CEP112: variants seen among roughly 807,000 people sequenced by gnomAD.
The protein encoded by CEP112 is centrosomal protein of 112 kDa.
In CEP112, 127 loss-of-function variants were observed where a neutral mutation model predicts 153.0. That is an observed-to-expected ratio of 0.83 (90% CI 0.72 to 0.96). The LOEUF is 0.96. CEP112 is among the 40% of genes least tolerant of loss of function. The pLI, the probability that CEP112 is intolerant of heterozygous loss-of-function variation, is 0.00. For missense variants in CEP112, 1,089 were observed against 1,101.2 expected, an observed-to-expected ratio of 0.99 and a Z score of 0.16; for synonymous variants, 358 against 374.4, an observed-to-expected ratio of 0.96 and a Z score of 0.51.
At chr17:65,714,052 C>G (rs899240598) in intron 23 of CEP112, among the ~76,000 whole-genome samples, 1 of 152,078 alleles carries the variant, frequency 6.6e-6, no homozygotes, top group South Asian at 2.1e-4. Context: ...TTCTCTAAGC[C>G]TTGAATATGC....
chr17:65,715,013 A>T (rs1446584057), intron 23 of CEP112, among the ~76,000 whole-genome samples: 1 of 152,178 alleles, frequency 6.6e-6, no homozygotes, highest in Admixed American at 6.5e-5. Context: ...AGGAGCAAGG[A>T]GACCCAGGAA....
intron 21 of CEP112, among the ~76,000 whole-genome samples, chr17:65,761,510 TTTC>T: frequency 6.6e-6 from 1 of 152,260 alleles, no homozygotes; most frequent in South Asian, 2.1e-4. Flanking sequence ...ATTTTAGATA[TTTC>T]TTCTTGTCTC....
At chr17:65,910,359 G>A (rs769551376) in intron 19 of CEP112, among the ~76,000 whole-genome samples, 8 of 152,098 alleles carry the variant, frequency 5.3e-5, no homozygotes, top group Admixed American at 1.3e-4. Context: ...AGGTGCCCAC[G>A]TTAAGCCCAA....
At chr17:65,832,283 A>T (rs140918234) in intron 21 of CEP112, among the ~76,000 whole-genome samples, 179 of 152,282 alleles carry the variant, frequency 1.2e-3, no homozygotes, top group African/African-American at 4.3e-3. Context: ...CAACTGAAAG[A>T]CTTAGAGAAG....
Position 65,833,754 on chromosome 17 carries a change from G to A in CEP112, c.2394+18050C>T, listed in dbSNP as rs533190913. Among the ~76,000 whole-genome samples the A allele has an allele frequency of 3.3e-5, 5 of 152,268 alleles. No homozygotes were observed. In the East Asian group the frequency reaches 9.6e-4, roughly 29 times the overall value. ...AACATCCCATGCTCATGGATTGGAA[G>A]AACCAATATCATTAAAATGGCCAAA... On this transcript the variant is annotated intron_variant, in intron 21 of 26. Transcript: ENST00000535342.
At chr17:66,171,859 T>C (rs1291886121) in intron 4 of CEP112, among the ~76,000 whole-genome samples, 1 of 152,226 alleles carries the variant, frequency 6.6e-6, no homozygotes, top group Non-Finnish European at 1.5e-5. Flanking sequence ...TTAGTGATTC[T>C]GACATTTGAC....
intron 3 of CEP112, 112 bp downstream of exon 3, chr17:66,176,718 T>C (rs1156551916): frequency 4.4e-6 from 3 of 675,248 alleles, no homozygotes; most frequent in Non-Finnish European, 6.8e-6. Context: ...ACAATTTTAA[T>C]ATATTATCTA....
chr17:65,713,472 C>T (rs1052599541), intron 23 of CEP112, among the ~76,000 whole-genome samples: 4 of 152,142 alleles, frequency 2.6e-5, no homozygotes, highest in African/African-American at 9.7e-5. Flanking sequence ...ACATTGGTTC[C>T]TAGAAAACAT....
chr17:66,112,497 A>C (rs1050992306), intron 6 of CEP112, among the ~76,000 whole-genome samples: 4 of 152,170 alleles, frequency 2.6e-5, no homozygotes, highest in African/African-American at 9.7e-5. Flanking sequence ...ATAGATTGGC[A>C]TAAATTAAAA....
At chr17:66,059,638 A>C (rs545402868) in intron 11 of CEP112, among the ~76,000 whole-genome samples, 1 of 152,282 alleles carries the variant, frequency 6.6e-6, no homozygotes, top group East Asian at 1.9e-4. Flanking sequence ...TATTTAAAAG[A>C]TTAAAAACAA....
At chr17:65,792,779 C>A (rs2054666065) in intron 21 of CEP112, among the ~76,000 whole-genome samples, 1 of 151,870 alleles carries the variant, frequency 6.6e-6, no homozygotes, top group Non-Finnish European at 1.5e-5. Context: ...AGCTATATAC[C>A]AAAAGAGGGT....
intron 8 of CEP112, among the ~76,000 whole-genome samples, chr17:66,088,843 C>T (rs1263498048): frequency 6.6e-6 from 1 of 152,204 alleles, no homozygotes; most frequent in African/African-American, 2.4e-5. Flanking sequence ...CACTCAGGCC[C>T]CTGGCCTGTC....
intron 21 of CEP112, chr17:65,826,395 G>A: frequency 6.3e-7 from 1 of 1,584,756 alleles, no homozygotes; most frequent in African/African-American, 1.4e-5. Context: ...GCCAGTGAGA[G>A]CACAGCCTCC....
intron 26 of CEP112, among the ~76,000 whole-genome samples, chr17:65,636,341 G>A (rs1194582449): frequency 6.6e-6 from 1 of 152,208 alleles, no homozygotes; most frequent in Non-Finnish European, 1.5e-5. Context: ...AAAGAGCACT[G>A]AGGGTACTCA....
At chr17:65,937,411 G>A (rs1196895431) in intron 18 of CEP112, among the ~76,000 whole-genome samples, 1 of 112,544 alleles carries the variant, frequency 8.9e-6, no homozygotes, top group African/African-American at 3.1e-5. Flanking sequence ...GAGATGTGGG[G>A]AGCGCCTCTG....
rs560496456 is a variant in CEP112 at position 65,905,711 on chromosome 17, C to T, written c.1981-3377G>A. On this transcript the variant is annotated intron_variant, in intron 19 of 26. Transcript: ENST00000535342. ...TTGGGAGGCTGAGGCAGGTGGATCA[C>T]GAGGTCAGGAGGTCAAGACCATCTT... Among the ~76,000 whole-genome samples, 14 of 152,200 alleles carry T rather than the reference C, an allele frequency of 9.2e-5. No individual in the cohort carries two copies. The South Asian group carries it at 1.7e-3, about 18-fold the overall frequency.
intron 21 of CEP112, among the ~76,000 whole-genome samples, chr17:65,766,347 C>T (rs1049273545): frequency 7.6e-5 from 11 of 144,602 alleles, no homozygotes; most frequent in South Asian, 4.4e-4. Context: ...AGACATTTTA[C>T]GTAAGCCTTG....
intron 12 of CEP112, among the ~76,000 whole-genome samples, chr17:66,031,326 A>G (rs1185356451): frequency 2.2e-5 from 3 of 139,448 alleles, no homozygotes. Flanking sequence ...CTTGGAAACC[A>G]AAAACAGACA....
intron 4 of CEP112, among the ~76,000 whole-genome samples, chr17:66,152,701 A>G (rs2071261206): frequency 6.6e-6 from 1 of 152,182 alleles, no homozygotes; most frequent in Non-Finnish European, 1.5e-5. Flanking sequence ...GATCCTCTCA[A>G]TCAAACAAGA....
Sources: gnomAD v4.1 joint callset for allele counts (sites outside exome capture counted in the v4.1 genomes callset) on GRCh38, gnomAD v4.1.1 for gene constraint, MANE v1.5 for transcripts, NCBI Gene and HGNC (gene_info 2026-07-23, HGNC 2026-07-21) for gene names.